Variants in NBPF9 observed in about 807,000 individuals in gnomAD.
NBPF9 encodes NBPF member 9, also known as NBPF family member NBPF9.
A neutral mutation model predicts 97.8 loss-of-function variants in NBPF9; 91 were observed. The ratio of observed to expected loss-of-function variants is 0.93; its 90% CI spans 0.79 to 1.11. The LOEUF is 1.11. Ranked by LOEUF, NBPF9 falls within the 50% of genes least tolerant of loss-of-function variation. The pLI, the probability that NBPF9 is intolerant of heterozygous loss-of-function variation, is 0.00. For missense variants in NBPF9, 992 were observed against 939.5 expected, an observed-to-expected ratio of 1.06 and a Z score of -0.73; for synonymous variants, 334 against 359.5, an observed-to-expected ratio of 0.93 and a Z score of 0.80.
Position 149,062,186 on chromosome 1 carries a change from C to G in NBPF9, c.2158G>C (p.Gly720Arg), listed in dbSNP as rs2078649184. 4.2e-6 allele frequency: 4 copies of G among 949,748 alleles called. No individual in the cohort carries two copies. The South Asian group carries it at 5.2e-5, about 12-fold the overall frequency. The allele number at this position is 949,748 out of a possible 1,614,324, so 58.8% of individuals were successfully genotyped here. Residue 720 changes from glycine to arginine, a missense_variant, in exon 22 of 30, where the codon GGT becomes CGT. Physicochemically the swap from Gly to Arg is moderately radical, Grantham distance 125. Coordinates refer to ENST00000584027, the Ensembl canonical transcript of NBPF9. ...CCTAAGTCAGGCAGTTCAAGATAAC[C>G]TGAAGGAGTCGAATACCATCTACCC...
At chr1:149,072,407 A>T (rs1212340876) in intron 14 of NBPF9, among the ~76,000 whole-genome samples, 36 of 152,250 alleles carry the variant, frequency 2.4e-4, no homozygotes, top group Admixed American at 1.6e-3. Context: ...TTCTTAGTCC[A>T]GAGCTCTTTT....
intron 17 of NBPF9, among the ~76,000 whole-genome samples, chr1:149,068,392 C>T (rs1289147789): frequency 6.6e-6 from 1 of 150,806 alleles, no homozygotes; most frequent in African/African-American, 2.5e-5. Context: ...ATCTCACATG[C>T]AGAGACACAC....
intron 7 of NBPF9, among the ~76,000 whole-genome samples, chr1:149,080,547 C>T (rs1553656409): frequency 6.6e-6 from 1 of 151,128 alleles, no homozygotes; most frequent in Admixed American, 6.6e-5. Flanking sequence ...GCCCCTAGGA[C>T]TATGGGACTG....
intron 5 of NBPF9, among the ~76,000 whole-genome samples, chr1:149,084,850 C>G (rs1174262699): frequency 1.3e-5 from 2 of 149,608 alleles, no homozygotes; most frequent in Non-Finnish European, 2.9e-5. Flanking sequence ...GGGAATTGAC[C>G]ACGGATCTTT....
At chr1:149,070,096 G>A (rs1348791920) in intron 16 of NBPF9, among the ~76,000 whole-genome samples, 6,861 of 135,092 alleles carry the variant, frequency 0.051, 479 homozygotes, top group East Asian at 0.43. Flanking sequence ...CAAGACAGGT[G>A]AATCATTTGA....
chr1:149,082,136 C>G, exon 7 of NBPF9: 2 of 1,611,966 alleles, frequency 1.2e-6, no homozygotes, highest in Non-Finnish European at 1.7e-6. Context: ...GCTGATACCA[C>G]CATGCTGACG....
rs587728195 is a variant in NBPF9 at position 149,070,655 on chromosome 1, G to C, written c.1585+279C>G. ...TTAATCACAGATGACAAGAGATACT[G>C]AATCGAAGCTAGGAGGCCTGACAGA... On this transcript the variant is annotated intron_variant, in intron 16 of 29. Coordinates refer to ENST00000584027, the Ensembl canonical transcript of NBPF9. 9.9e-5 allele frequency among the ~76,000 whole-genome samples: 15 copies of C among 151,890 alleles called. No individual in the cohort carries two copies. In the South Asian group the frequency reaches 2.7e-3, roughly 28 times the overall value.
intron 3 of NBPF9, among the ~76,000 whole-genome samples, chr1:149,100,045 C>T (rs1235087911): frequency 2.6e-4 from 37 of 144,302 alleles, no homozygotes; most frequent in Non-Finnish European, 4.8e-4. Context: ...CTATTGTTTA[C>T]ATCATATCAC....
At chr1:149,056,295 C>A (rs587643293) in intron 29 of NBPF9, among the ~76,000 whole-genome samples, 68 of 129,828 alleles carry the variant, frequency 5.2e-4, no homozygotes, top group African/African-American at 1.9e-3. Context: ...GAGAGTACAG[C>A]TTTTGAAGTA....
chr1:149,065,756 C>CCAT, intron 17 of NBPF9, 67 bp from the exon 18 acceptor site: 1 of 1,297,460 alleles, frequency 7.7e-7, no homozygotes, highest in Non-Finnish European at 1.1e-6. Flanking sequence ...ACAAAACCTC[C>CCAT]CAGATGATCT....
chr1:149,064,965 A>G (rs1178324279), intron 18 of NBPF9: 2 of 534,070 alleles, frequency 3.7e-6, no homozygotes, highest in Non-Finnish European at 6.7e-6. Flanking sequence ...TGTGGGTGAA[A>G]AGTCAGCCAT....
exon 22 of NBPF9, chr1:149,062,117 G>A (rs1553650139): frequency 1.7e-6 from 2 of 1,175,206 alleles, no homozygotes; most frequent in Non-Finnish European, 1.3e-6. Flanking sequence ...GCCAAGCCAA[G>A]GTACTGTTCC....
intron 2 of NBPF9, 72 bp from the exon 3 acceptor site, chr1:149,101,451 G>T (rs1356755937): frequency 1.3e-5 from 2 of 151,584 alleles, no homozygotes; most frequent in South Asian, 4.2e-4. Flanking sequence ...AGAGCGAAAA[G>T]GCAAGCTACA....
In NBPF9 at chr1:149,072,707, G is replaced by T. The variant is rs1407533104; in HGVS notation, c.1306+11C>A. 1.2e-6 allele frequency: 2 copies of T among 1,611,616 alleles called. No individual in the cohort carries two copies. The highest frequency in any genetic ancestry group is 2.2e-5 in the South Asian group (2 of 90,972). On this transcript the variant is annotated intron_variant, in intron 14 of 29. Coordinates refer to ENST00000584027, the Ensembl canonical transcript of NBPF9. ...GGGGTTTTGGGTCAACAGGGCCTAT[G>T]GCCACCTTACCTGGGCTGAGCTTTT...
At chr1:149,068,286 T>G (rs2079159349) in intron 17 of NBPF9, among the ~76,000 whole-genome samples, 1 of 150,390 alleles carries the variant, frequency 6.6e-6, no homozygotes, top group Admixed American at 6.6e-5. Context: ...ATATTAACCT[T>G]AAATGTAAAT....
chr1:149,089,585 A>G lies in NBPF9; in HGVS notation c.-195+1168T>C, dbSNP rs1335604640. ...AATGAGTGGAGAGTGGATCTGTGGG[A>G]AGGAGGAGGGGATGTTATGGGGAAA... On this transcript the variant is annotated intron_variant, in intron 5 of 29. Transcript: ENST00000584027. 7.2e-5 allele frequency among the ~76,000 whole-genome samples: 11 copies of G among 152,416 alleles called. No individual in the cohort carries two copies. In the East Asian group the frequency reaches 1.7e-3, roughly 24 times the overall value.
At position 149,055,535 on chromosome 1, in the gene NBPF9, C is replaced by A. The variant is rs879952853; in HGVS notation, c.*121G>T. 4.1e-3 allele frequency: 6,437 copies of A among 1,562,490 alleles called. 17 individuals carry two copies. Among genetic ancestry groups the A allele is most frequent in the Non-Finnish European group, 5.1e-3 (5,913 of 1,157,610 alleles). On this transcript the variant is annotated 3_prime_UTR_variant, in exon 30 of 30. Coordinates refer to ENST00000584027, the Ensembl canonical transcript of NBPF9. ...GCATGGTTTGAGAATAGGAATAGAGCCATGCCCACTGACCCATCCTATGTC... is the reference window on the plus strand; with the variant it reads ...GCATGGTTTGAGAATAGGAATAGAGACATGCCCACTGACCCATCCTATGTC...
chr1:149,081,559 T>C (rs1243863694), intron 7 of NBPF9, among the ~76,000 whole-genome samples: 1 of 152,106 alleles, frequency 6.6e-6, no homozygotes, highest in Non-Finnish European at 1.5e-5. Flanking sequence ...CTTTGCCTCT[T>C]GGGCCTCAAC....
chr1:149,070,413 C>A (rs2079309983), intron 16 of NBPF9, among the ~76,000 whole-genome samples: 1 of 151,212 alleles, frequency 6.6e-6, no homozygotes, highest in Non-Finnish European at 1.5e-5. Flanking sequence ...AGGGTCCAGC[C>A]TTGCTTTATG....
Sources: gnomAD v4.1 joint callset for allele counts (sites outside exome capture counted in the v4.1 genomes callset) on GRCh38, gnomAD v4.1.1 for gene constraint, MANE v1.5 for transcripts, NCBI Gene and HGNC (gene_info 2026-07-23, HGNC 2026-07-21) for gene names.